The following ZNF17 variants were observed in gnomAD, a reference collection of about 807,000 sequenced individuals.
The protein encoded by ZNF17 is zinc finger protein 17.
In ZNF17, 4 loss-of-function variants were observed where a neutral mutation model predicts 7.7. The observed-to-expected ratio is 0.52, with a 90% confidence interval of 0.26 to 1.20. The LOEUF (loss-of-function observed/expected upper bound fraction) is 1.20. Ranked by LOEUF, ZNF17 falls within the 50% of genes most tolerant of loss-of-function variation. The pLI is 0.14. For missense variants in ZNF17, 738 were observed against 799.5 expected, an observed-to-expected ratio of 0.92 and a Z score of 0.93; for synonymous variants, 249 against 258.8, an observed-to-expected ratio of 0.96 and a Z score of 0.36.
In ZNF17 at chr19:57,421,111, A is replaced by T. The variant is rs1009288049; in HGVS notation, c.1625A>T (p.Asn542Ile). The T allele has an allele frequency of 1.2e-6, 2 of 1,613,892 alleles. No homozygotes were observed. The highest frequency in any genetic ancestry group is 1.6e-4 in the Middle Eastern group (1 of 6,062). ...ECGKFFRHNS[N>I]HIRHRRNHFG... is the part of the protein sequence containing the mutation. The stretch of plus-strand genomic sequence containing the variant: ...GGGAAATTCTTTAGGCACAACTCAA[A>T]TCATATTAGACATCGGAGAAATCAC... Residue 542 changes from asparagine (N) to isoleucine (I), a missense_variant, in exon 4 of 4, where the codon AAT becomes ATT. Physicochemically the swap from Asn to Ile is moderately radical, Grantham distance 149. Transcript: ENST00000307658.
Position 57,419,893 on chromosome 19 carries a change from C to G in ZNF17, c.407C>G (p.Ser136Trp). ...ACCAGAAGTGATGAAGGGAGGCCTT[C>G]GTTTGTGAATGACAGTGTTCACCTG... Reference protein sequence around the residue: ...KLTRSDEGRPSFVNDSVHLAK... With the variant: ...KLTRSDEGRPWFVNDSVHLAK... The change falls in exon 4 of 4, where the codon TCG becomes TGG. Residue 136 changes from serine to tryptophan, a missense_variant. Transcript: ENST00000307658. 6.2e-7 allele frequency: 1 copy of G among 1,614,178 alleles called. No homozygotes were observed. The highest frequency in any genetic ancestry group is 1.1e-5 in the South Asian group (1 of 91,086).
rs201387414 is a variant in ZNF17, at chr19:57,421,285, T to C, written c.1799T>C (p.Ile600Thr). The C allele has an allele frequency of 6.2e-7, 1 of 1,613,600 alleles. No individual in the cohort carries two copies. Among genetic ancestry groups the C allele is most frequent in the African/African-American group, 1.3e-5 (1 of 74,852 alleles). ...GKFFMDSSTL[I>T]SHERVHTGEK... ...TTTTTTATGGACAGCTCCACACTCATTAGTCATGAGAGAGTTCATACTGGA... is the reference window on the plus strand; with the variant it reads ...TTTTTTATGGACAGCTCCACACTCACTAGTCATGAGAGAGTTCATACTGGA... Residue 600 changes from isoleucine (I) to threonine (T), a missense_variant, in exon 4 of 4, where the codon ATT becomes ACT. Around this residue, in one of 3 missense-constraint regions of ZNF17, gnomAD observed 116 missense variants for 114.0 expected, o/e 1.02. Coordinates refer to ENST00000307658, the MANE Select transcript of ZNF17 (RefSeq NM_001330617.2).
intron 1 of ZNF17, 199 bp downstream of exon 1, chr19:57,411,605 G>C (rs1310620695): frequency 5.7e-6 from 8 of 1,399,074 alleles, no homozygotes; most frequent in Admixed American, 2.9e-5. Flanking sequence ...GCTGCAGAGC[G>C]GGCGGCACTG....
At chr19:57,418,156 C>T in intron 3 of ZNF17, 118 bp downstream of exon 3, 2 of 1,348,650 alleles carry the variant, frequency 1.5e-6, no homozygotes, top group Non-Finnish European at 2.0e-6. Context: ...GGTTTCCTGG[C>T]ATATGTGTTG....
intron 3 of ZNF17, 164 bp from the exon 4 acceptor site, chr19:57,419,471 C>T (rs1310469743): frequency 2.5e-5 from 17 of 688,446 alleles, no homozygotes; most frequent in Non-Finnish European, 3.6e-5. Flanking sequence ...GGGTTTCTGT[C>T]AGTCCCGGTT....
intron 3 of ZNF17, 66 bp downstream of exon 3, chr19:57,418,104 A>G: frequency 4.5e-6 from 7 of 1,569,296 alleles, no homozygotes; most frequent in Non-Finnish European, 6.1e-6. Flanking sequence ...TTTCCTTGGC[A>G]TCTCCGTCTC....
chr19:57,418,829 C>G (rs1367619446), intron 3 of ZNF17, among the ~76,000 whole-genome samples: 1 of 152,100 alleles, frequency 6.6e-6, no homozygotes, highest in African/African-American at 2.4e-5. Context: ...TCTCCTGGCT[C>G]CCACCTCTGA....
At position 57,419,657 on chromosome 19, in the gene ZNF17, TGAG is replaced by T. The variant is rs1568538785; in HGVS notation, c.176_178del (p.Glu59del). 1.9e-6 allele frequency: 3 copies of T among 1,613,140 alleles called. No individual in the cohort carries two copies. The highest frequency in any genetic ancestry group is 4.5e-5 in the East Asian group (2 of 44,864). On this transcript the variant is annotated inframe_deletion, in exon 4 of 4. Transcript: ENST00000307658. The stretch of plus-strand genomic sequence containing the variant: ...TAGGTTGTTGGCATGGAGCCAAGGA[TGAG>T]GAGGCACCTTCCAAGCAATGTGTTT...
Position 57,420,969 on chromosome 19 carries a change from A to G in ZNF17, c.1483A>G (p.Thr495Ala), listed in dbSNP as rs747469284. 6.2e-7 allele frequency: 1 copy of G among 1,614,204 alleles called. No homozygotes were observed. The highest frequency in any genetic ancestry group is 8.5e-7 in the Non-Finnish European group (1 of 1,180,040). The change falls in exon 4 of 4, where the codon ACT becomes GCT. Residue 495 changes from threonine to alanine, a missense_variant. Transcript: ENST00000307658. ...CTLKSHQRVHTGERPFECSIC... is the reference protein window; with the variant it reads ...CTLKSHQRVHAGERPFECSIC... ...ACTGAAGAGTCATCAGAGAGTTCAC[A>G]CTGGAGAAAGACCTTTTGAATGCAG...
intron 1 of ZNF17, among the ~76,000 whole-genome samples, chr19:57,412,696 A>T (rs2088785986): frequency 6.6e-6 from 1 of 152,040 alleles, no homozygotes; most frequent in Non-Finnish European, 1.5e-5. Context: ...TGCACGCCTC[A>T]GCCTCCCAAA....
intron 3 of ZNF17, chr19:57,418,915 A>G (rs12980700): frequency 0.54 from 69,784 of 129,964 alleles, 17,420 homozygotes; most frequent in East Asian, 0.65. Flanking sequence ...TGTTTTTGAG[A>G]TGGAGTTTCG....
chr19:57,413,751 A>G, intron 2 of ZNF17, 115 bp downstream of exon 2: 2 of 1,308,118 alleles, frequency 1.5e-6, no homozygotes, highest in Admixed American at 4.0e-5. Context: ...CTTGGGTCCA[A>G]GGAGAGCCTG....
chr19:57,414,336 G>GTTT (rs1265171492), intron 2 of ZNF17, among the ~76,000 whole-genome samples: 1 of 137,168 alleles, frequency 7.3e-6, no homozygotes. Flanking sequence ...ACCTGGCCTT[G>GTTT]TTTTTTTTTT....
chr19:57,420,443 T>C lies in ZNF17; in HGVS notation c.957T>C (p.Leu319=). The C allele has an allele frequency of 1.2e-6, 2 of 1,613,868 alleles. No homozygotes were observed. Among genetic ancestry groups the C allele is most frequent in the Non-Finnish European group, 1.7e-6 (2 of 1,179,960 alleles). ...CGKAFLTQAH[L]VGHQKIHTGE... is the part of the protein sequence containing the mutation. ...AGGCCTTCCTTACACAGGCTCACCT[T>C]GTTGGTCACCAGAAAATTCATACTG... Residue 319 remains leucine, a synonymous_variant, in exon 4 of 4, where the codon CTT becomes CTC. Transcript: ENST00000307658.
rs1266419016 is a variant in ZNF17 at position 57,419,887 on chromosome 19, G to C, written c.401G>C (p.Arg134Thr). 1.2e-6 allele frequency: 2 copies of C among 1,614,100 alleles called. No homozygotes were observed. The highest frequency in any genetic ancestry group is 2.7e-5 in the African/African-American group (2 of 74,936). ...AAGCTCACCAGAAGTGATGAAGGGA[G>C]GCCTTCGTTTGTGAATGACAGTGTT... Reference protein sequence around the residue: ...REKLTRSDEGRPSFVNDSVHL... With the variant: ...REKLTRSDEGTPSFVNDSVHL... Residue 134 changes from arginine to threonine, a missense_variant, in exon 4 of 4, where the codon AGG becomes ACG. By Grantham distance (71) the Arg-to-Thr change is moderately conservative. Coordinates refer to ENST00000307658, the MANE Select transcript of ZNF17 (RefSeq NM_001330617.2).
intron 2 of ZNF17, among the ~76,000 whole-genome samples, chr19:57,417,190 TA>T (rs2088816070): frequency 1.3e-5 from 2 of 152,286 alleles, no homozygotes; most frequent in South Asian, 4.1e-4. Context: ...CCACATCACA[TA>T]AAGCCACAGA....
intron 1 of ZNF17, chr19:57,413,394 G>C (rs2088791072): frequency 1.8e-6 from 1 of 558,750 alleles, no homozygotes; most frequent in Non-Finnish European, 3.2e-6. Context: ...CTATTAGTTG[G>C]CAATCCTTTT....
intron 3 of ZNF17, among the ~76,000 whole-genome samples, chr19:57,418,883 GTTTTTT>G (rs5828722): frequency 1.7e-4 from 26 of 150,750 alleles, no homozygotes; most frequent in Admixed American, 1.5e-3. Flanking sequence ...CCCGTTTTTT[GTTTTTT>G]TTTTGTTTTT....
Position 57,420,611 on chromosome 19 carries a change from C to T in ZNF17, c.1125C>T (p.Leu375=), listed in dbSNP as rs374690810. 9.9e-6 allele frequency: 16 copies of T among 1,613,746 alleles called. No individual in the cohort carries two copies. In the African/African-American group the frequency reaches 1.3e-4, roughly 13 times the overall value. Residue 375 remains leucine, a synonymous_variant, in exon 4 of 4, where the codon CTC becomes CTT. Transcript: ENST00000307658. ...CGKFFMDSCT[L]IIHQRVHTGE... ...AATTCTTTATGGACAGCTGCACACT[C>T]ATTATTCACCAGAGAGTTCATACTG...
Sources: gnomAD v4.1 joint callset for allele counts (sites outside exome capture counted in the v4.1 genomes callset) on GRCh38, gnomAD v4.1.1 for gene constraint, gnomAD v4.1.1 regional missense constraint, MANE v1.5 for transcripts, NCBI Gene and HGNC (gene_info 2026-07-23, HGNC 2026-07-21) for gene names.